CPNE4: variants seen among roughly 807,000 people sequenced by gnomAD.
CPNE4 encodes the protein copine-4.
CPNE4 carries 25 observed loss-of-function variants against 67.9 expected under a neutral mutation model. That is an observed-to-expected ratio of 0.37 (90% confidence interval 0.27 to 0.51). The LOEUF (loss-of-function observed/expected upper bound fraction) is 0.51, where lower values mean the gene tolerates loss of function less well. CPNE4 is among the 20% of genes least tolerant of loss of function. The pLI is 0.93. For missense variants in CPNE4, 464 were observed against 690.8 expected (o/e 0.67, Z 3.68); for synonymous variants, 242 against 244.9 (o/e 0.99, Z 0.11).
At chr3:131,986,852 A>C (rs1008072496) in intron 1 of CPNE4, among the ~76,000 whole-genome samples, 12 of 112,756 alleles carry the variant, frequency 1.1e-4, no homozygotes, top group African/African-American at 2.6e-4. Flanking sequence ...ACAAAAAAAA[A>C]CAAAAACAAA....
At position 131,938,245 on chromosome 3, in the gene CPNE4, T is replaced by G. The variant is rs1018642348; in HGVS notation, c.-1-32801A>C. Among the ~76,000 whole-genome samples the G allele has an allele frequency of 3.3e-5, 5 of 152,040 alleles. No individual in the cohort carries two copies. The East Asian group carries it at 7.8e-4, about 24-fold the overall frequency. On this transcript the variant is annotated intron_variant, in intron 1 of 15. Transcript: ENST00000429747. ...GGTGGTGTGCATATGTAGTCTCAGT[T>G]ACTCCGGAGGCTGAGATCGGAGGAT...
At chr3:131,685,017 G>A (rs570913854) in intron 6 of CPNE4, among the ~76,000 whole-genome samples, 1 of 152,336 alleles carries the variant, frequency 6.6e-6, no homozygotes. Context: ...TCAGTGCAAT[G>A]TATGTACTTT....
At chr3:131,964,499 C>G (rs1045212693) in intron 1 of CPNE4, among the ~76,000 whole-genome samples, 13 of 151,822 alleles carry the variant, frequency 8.6e-5, no homozygotes, top group Admixed American at 2.0e-4. Context: ...GAACTGCTAA[C>G]TAGAATAACC....
chr3:131,887,001 G>C (rs1026015668), intron 2 of CPNE4, among the ~76,000 whole-genome samples: 1 of 152,220 alleles, frequency 6.6e-6, no homozygotes, highest in African/African-American at 2.4e-5. Context: ...GGGAAGGCAG[G>C]ATTGGTTTTG....
At chr3:131,967,295 T>A (rs1446116394) in intron 1 of CPNE4, among the ~76,000 whole-genome samples, 1 of 152,186 alleles carries the variant, frequency 6.6e-6, no homozygotes, top group Non-Finnish European at 1.5e-5. Context: ...CTGGAAGCAT[T>A]CCCTTGAAAA....
intron 7 of CPNE4, among the ~76,000 whole-genome samples, chr3:131,632,930 T>G (rs1361272966): frequency 6.6e-6 from 1 of 152,166 alleles, no homozygotes; most frequent in Non-Finnish European, 1.5e-5. Context: ...GGAGAACCAC[T>G]GACCTAGATG....
intron 2 of CPNE4, among the ~76,000 whole-genome samples, chr3:131,786,982 T>C (rs1311272016): frequency 6.6e-6 from 1 of 152,192 alleles, no homozygotes; most frequent in Non-Finnish European, 1.5e-5. Flanking sequence ...GACGGTTTCC[T>C]GCACACCTTC....
chr3:131,555,115 T>C (rs1416458311), intron 12 of CPNE4, among the ~76,000 whole-genome samples: 1 of 152,060 alleles, frequency 6.6e-6, no homozygotes, highest in Non-Finnish European at 1.5e-5. Context: ...GTCTGTAGAC[T>C]CCATTGTCAC....
At chr3:131,720,109 C>G (rs2081841537) in intron 3 of CPNE4, among the ~76,000 whole-genome samples, 1 of 152,048 alleles carries the variant, frequency 6.6e-6, no homozygotes, top group South Asian at 2.1e-4. Flanking sequence ...TGTCAGCTCC[C>G]CACTCATGTT....
At chr3:131,672,760 G>A (rs941484566) in intron 6 of CPNE4, among the ~76,000 whole-genome samples, 1 of 151,884 alleles carries the variant, frequency 6.6e-6, no homozygotes, top group Non-Finnish European at 1.5e-5. Flanking sequence ...TGGATAGTTG[G>A]CAAATATTTT....
At chr3:131,556,839 G>T (rs1416867045) in intron 11 of CPNE4, among the ~76,000 whole-genome samples, 1 of 152,018 alleles carries the variant, frequency 6.6e-6, no homozygotes, top group Non-Finnish European at 1.5e-5. Flanking sequence ...GACAGGATGG[G>T]GAAGAGAATA....
At chr3:131,961,194 T>A (rs2072162436) in intron 1 of CPNE4, among the ~76,000 whole-genome samples, 1 of 152,310 alleles carries the variant, frequency 6.6e-6, no homozygotes, top group African/African-American at 2.4e-5. Flanking sequence ...GAAAACAATT[T>A]TATTTAGAGT....
At chr3:131,624,912 C>G (rs914061023) in intron 7 of CPNE4, among the ~76,000 whole-genome samples, 9 of 152,208 alleles carry the variant, frequency 5.9e-5, no homozygotes, top group African/African-American at 2.2e-4. Flanking sequence ...CTGCACTTCT[C>G]ATGCACAGAA....
chr3:131,988,996 T>C (rs1295152348), intron 1 of CPNE4, among the ~76,000 whole-genome samples: 18 of 152,184 alleles, frequency 1.2e-4, no homozygotes, highest in Non-Finnish European at 1.5e-5. Context: ...CATAAACTAA[T>C]AGTTGACTAT....
chr3:131,664,300 A>G (rs2107647014), intron 7 of CPNE4, among the ~76,000 whole-genome samples: 1 of 152,296 alleles, frequency 6.6e-6, no homozygotes, highest in South Asian at 2.1e-4. Context: ...ATCTATTCTG[A>G]ACATCAACAT....
At chr3:131,950,696 A>G (rs1233252926) in intron 1 of CPNE4, among the ~76,000 whole-genome samples, 1 of 152,242 alleles carries the variant, frequency 6.6e-6, no homozygotes, top group African/African-American at 2.4e-5. Flanking sequence ...TACAAGTAGT[A>G]TTCCTGGATA....
intron 1 of CPNE4, among the ~76,000 whole-genome samples, chr3:131,906,432 G>A (rs1481016288): frequency 8.4e-6 from 1 of 118,394 alleles, no homozygotes; most frequent in Non-Finnish European, 1.6e-5. Context: ...AGTCCCCAGA[G>A]TATGATGTTG....
chr3:131,955,395 G>A (rs557074747), intron 1 of CPNE4, among the ~76,000 whole-genome samples: 34 of 114,252 alleles, frequency 3.0e-4, no homozygotes, highest in African/African-American at 1.1e-3. Flanking sequence ...TTTTCTGTGT[G>A]GTATTGTATG....
intron 7 of CPNE4, among the ~76,000 whole-genome samples, chr3:131,650,496 G>C (rs1202926383): frequency 1.4e-5 from 2 of 142,154 alleles, no homozygotes; most frequent in Non-Finnish European, 2.9e-5. Flanking sequence ...GGTGGCTCAC[G>C]CTTGTAATCC....
Sources: allele counts gnomAD v4.1 joint callset (sites outside exome capture counted in the v4.1 genomes callset), GRCh38; gene constraint gnomAD v4.1.1; transcripts MANE v1.5; gene names NCBI Gene and HGNC (gene_info 2026-07-23, HGNC 2026-07-21).